Variants in CDK12 observed in about 807,000 individuals in gnomAD.
The protein encoded by CDK12 is cyclin-dependent kinase 12.
A neutral mutation model predicts 133.8 loss-of-function variants in CDK12; 17 were observed. The observed-to-expected ratio is 0.13, with a 90% CI of 0.09 to 0.19. CDK12 has a LOEUF of 0.19. Ranked by LOEUF, CDK12 falls within the 10% of genes least tolerant of loss-of-function variation. CDK12 has a pLI of 1.00. For missense variants in CDK12, 1,508 were observed against 1,818.7 expected, an observed-to-expected ratio of 0.83 and a Z score of 3.11; for synonymous variants, 694 against 683.6, an observed-to-expected ratio of 1.02 and a Z score of -0.24.
At chr17:39,545,871 C>A (rs1044477686), upstream of CDK12, among the ~76,000 whole-genome samples, 42 of 151,162 alleles carry the variant, frequency 2.8e-4, no homozygotes, top group Admixed American at 7.3e-4. Context: ...TCTCGGCTCA[C>A]TGCAACCTCC....
chr17:39,469,604 A>C (rs2049624611), intron 1 of CDK12, among the ~76,000 whole-genome samples: 1 of 149,828 alleles, frequency 6.7e-6, no homozygotes, highest in Non-Finnish European at 1.5e-5. Flanking sequence ...TTCCTGATGG[A>C]TATAACCCAC....
intron 5 of CDK12, among the ~76,000 whole-genome samples, chr17:39,500,955 C>T (rs1457115663): frequency 1.3e-5 from 2 of 151,856 alleles, no homozygotes; most frequent in Admixed American, 6.6e-5. Flanking sequence ...AGGTTGGTCT[C>T]GAACTCCTGA....
At chr17:39,537,810 CCTCGGCCTCCCAAAGTG>C (rs1488098199), downstream of CDK12, among the ~76,000 whole-genome samples, 2 of 152,036 alleles carry the variant, frequency 1.3e-5, no homozygotes, top group African/African-American at 2.4e-5. Flanking sequence ...GATCCACCCG[CCTCGGCCTCCCAAAGTG>C]CTCGGCCTCC....
chr17:39,516,596 C>T (rs1232972625), intron 9 of CDK12, among the ~76,000 whole-genome samples: 1 of 151,816 alleles, frequency 6.6e-6, no homozygotes. Context: ...AAACAGTCCT[C>T]CCACCTTGAC....
rs2144878742 is a variant in CDK12 at position 39,462,508 on chromosome 17, G to T, written c.437G>T (p.Arg146Leu). The T allele has an allele frequency of 6.2e-7, 1 of 1,614,116 alleles. No individual in the cohort carries two copies. Among genetic ancestry groups the T allele is most frequent in the Non-Finnish European group, 8.5e-7 (1 of 1,180,034 alleles). ...VSSKSGSMKD[R>L]ISGSSKRSNE... ...AGCAAGTCGGGATCGATGAAGGACC[G>T]GATATCGGGAAGTTCAAAGCGTTCG... Residue 146 changes from arginine to leucine, a missense_variant, in exon 1 of 14, where the codon CGG becomes CTG. By Grantham distance (102) the Arg-to-Leu change is moderately radical. This residue lies in a region of CDK12 where 460 missense variants were observed against 490.8 expected (regional missense o/e 0.94). Coordinates refer to ENST00000447079, the MANE Select transcript of CDK12 (RefSeq NM_016507.4).
At chr17:39,516,914 C>T (rs538419429) in intron 9 of CDK12, among the ~76,000 whole-genome samples, 7 of 150,230 alleles carry the variant, frequency 4.7e-5, no homozygotes, top group Middle Eastern at 3.7e-3. Context: ...CCGCCCACCT[C>T]GGCCTCCCAA....
At chr17:39,554,806 G>A (rs2144348721) in intron 2 of CDK12, among the ~76,000 whole-genome samples, 1 of 151,872 alleles carries the variant, frequency 6.6e-6, no homozygotes, top group East Asian at 1.9e-4. Context: ...TTGAGCCCGG[G>A]AGGCAGAGGT....
chr17:39,466,615 GAAAAAAAAAAAAAAAAAAAAAAAAA>G (rs71147339), intron 1 of CDK12, among the ~76,000 whole-genome samples: 10 of 31,434 alleles, frequency 3.2e-4, no homozygotes, highest in African/African-American at 4.0e-4. Context: ...AACTCTATCT[GAAAAAAAAAAAAAAAAAAAAAAAAA>G]AAAAAAAAAA....
In CDK12 at chr17:39,471,657, G is replaced by A. The variant is rs760701690; in HGVS notation, c.1825G>A (p.Val609Met). 6.2e-7 allele frequency: 1 copy of A among 1,614,100 alleles called. No homozygotes were observed. ...TTCTCAGCCCCCTGTACAGGTTTCT[G>A]TGAAGACTCAAGTATCTGTAACAGC... Reference protein sequence around the residue: ...ANSQPPVQVSVKTQVSVTAAI... With the variant: ...ANSQPPVQVSMKTQVSVTAAI... Residue 609 changes from valine to methionine, a missense_variant, in exon 2 of 14, where the codon GTG becomes ATG. By Grantham distance (21) the Val-to-Met change is conservative. This residue lies in a region of CDK12 where 347 missense variants were observed against 330.8 expected (regional missense o/e 1.05). Transcript: ENST00000447079.
At chr17:39,474,895 G>A (rs1196623497) in intron 2 of CDK12, among the ~76,000 whole-genome samples, 5 of 149,232 alleles carry the variant, frequency 3.4e-5, no homozygotes, top group African/African-American at 9.9e-5. Flanking sequence ...GTGCAATGGC[G>A]CGATCTCAGC....
chr17:39,478,041 T>G (rs953972913), intron 2 of CDK12, among the ~76,000 whole-genome samples: 4 of 151,668 alleles, frequency 2.6e-5, no homozygotes, highest in Non-Finnish European at 5.9e-5. Context: ...TTTTTTTTTT[T>G]TAGCCATCTC....
At chr17:39,470,818 C>T in intron 1 of CDK12, 61 bp from the exon 2 acceptor site, 2 of 1,303,344 alleles carry the variant, frequency 1.5e-6, no homozygotes, top group Non-Finnish European at 2.1e-6. Flanking sequence ...TTTTATTGAT[C>T]TGTTTTCCTC....
At position 39,471,687 on chromosome 17, in the gene CDK12, A is replaced by G. The variant is rs144501352; in HGVS notation, c.1855A>G (p.Ile619Val). The G allele has an allele frequency of 1.4e-4, 230 of 1,614,010 alleles. No individual in the cohort carries two copies. Among genetic ancestry groups the G allele is most frequent in the Non-Finnish European group, 1.9e-4 (224 of 1,179,998 alleles). Residue 619 changes from isoleucine (I) to valine (V), a missense_variant, in exon 2 of 14, where the codon ATT becomes GTT. Around this residue, in one of 9 missense-constraint regions of CDK12, gnomAD observed 347 missense variants for 330.8 expected, o/e 1.05. Coordinates refer to ENST00000447079, the MANE Select transcript of CDK12 (RefSeq NM_016507.4). ...GACTCAAGTATCTGTAACAGCTGCT[A>G]TTCCACACCTGAAAACTTCAACGTT... The part of the protein sequence containing the change: ...VKTQVSVTAA[I>V]PHLKTSTLPP...
rs148813181 is a variant in CDK12 at position 39,474,610 on chromosome 17, C to T, written c.1931+2847C>T. Among the ~76,000 whole-genome samples, 137 of 152,160 alleles carry T rather than the reference C, an allele frequency of 9.0e-4. No homozygotes were observed. The Middle Eastern group carries it at 0.014, about 15-fold the overall frequency. On this transcript the variant is annotated intron_variant, in intron 2 of 13. Coordinates refer to ENST00000447079, the MANE Select transcript of CDK12 (RefSeq NM_016507.4). Reference sequence around the variant, plus strand: ...GATTACAGGCATGAACCACCACTCCCGGCCAATATTGGTCATTTGAATGAT... The same window carrying T: ...GATTACAGGCATGAACCACCACTCCTGGCCAATATTGGTCATTTGAATGAT...
intron 1 of CDK12, among the ~76,000 whole-genome samples, chr17:39,467,327 C>T (rs1000685220): frequency 6.6e-6 from 1 of 152,154 alleles, no homozygotes; most frequent in Admixed American, 6.6e-5. Flanking sequence ...AATGCAGTGT[C>T]TTTGCATCCG....
chr17:39,481,649 T>C (rs1227764648), intron 2 of CDK12, among the ~76,000 whole-genome samples: 903 of 17,274 alleles, frequency 0.052, 11 homozygotes, highest in Non-Finnish European at 0.098. Context: ...TCTCTCTCTC[T>C]CTCTCTCTCT....
At chr17:39,495,343 G>A (rs916528722) in intron 5 of CDK12, among the ~76,000 whole-genome samples, 20 of 148,150 alleles carry the variant, frequency 1.3e-4, no homozygotes, top group African/African-American at 5.0e-4. Flanking sequence ...CCCTCGAAGT[G>A]CTGGGATTAT....
At chr17:39,472,828 C>T (rs1023494398) in intron 2 of CDK12, among the ~76,000 whole-genome samples, 9 of 152,140 alleles carry the variant, frequency 5.9e-5, no homozygotes, top group African/African-American at 2.2e-4. Flanking sequence ...GTAATCCCAG[C>T]ACTTTGGGAG....
intron 2 of CDK12, among the ~76,000 whole-genome samples, chr17:39,553,235 G>A (rs929562354): frequency 6.6e-6 from 1 of 152,082 alleles, no homozygotes; most frequent in Non-Finnish European, 1.5e-5. Context: ...ACTGGTTGAA[G>A]AGAGATCTGG....
Sources: allele counts gnomAD v4.1 joint callset (sites outside exome capture counted in the v4.1 genomes callset), GRCh38; gene constraint gnomAD v4.1.1; regional missense constraint gnomAD v4.1.1; transcripts MANE v1.5; gene names NCBI Gene and HGNC (gene_info 2026-07-23, HGNC 2026-07-21).